The following ARHGAP39 variants were observed in gnomAD, a reference collection of about 807,000 sequenced individuals.
The protein encoded by ARHGAP39 is Rho GTPase activating protein 39.
ARHGAP39 carries 44 observed loss-of-function variants against 106.9 expected under a neutral mutation model. The ratio of observed to expected loss-of-function variants is 0.41; its 90% confidence interval spans 0.32 to 0.53. The LOEUF (loss-of-function observed/expected upper bound fraction) is 0.53. Ranked by LOEUF, ARHGAP39 falls within the 20% of genes least tolerant of loss-of-function variation. The pLI, the probability that ARHGAP39 is intolerant of heterozygous loss-of-function variation, is 0.21. For missense variants in ARHGAP39, 1,496 were observed against 1,577.3 expected, an observed-to-expected ratio of 0.95 and a Z score of 0.87; for synonymous variants, 768 against 693.2, an observed-to-expected ratio of 1.11 and a Z score of -1.69.
At chr8:144,664,865 A>G (rs767702534) in intron 1 of ARHGAP39, among the ~76,000 whole-genome samples, 2 of 152,222 alleles carry the variant, frequency 1.3e-5, no homozygotes, top group Non-Finnish European at 2.9e-5. Flanking sequence ...GGACTAATAC[A>G]GTAAATTGGT....
chr8:144,548,390 G>A lies in ARHGAP39; in HGVS notation c.696C>T (p.Tyr232=), dbSNP rs1350497417. 5 of 1,610,220 alleles carry A rather than the reference G, an allele frequency of 3.1e-6. No homozygotes were observed. The highest frequency in any genetic ancestry group is 1.3e-5 in the African/African-American group (1 of 74,900). ...GGACCCCAGGTGGGCCGTCTGGGGC[G>A]TAGCCATTGCCCTGGGCGGCGAGGA... ...PSFLAAQGNG[Y]APDGPPGVRS... is the part of the protein sequence containing the mutation. Residue 232 remains tyrosine (Y), a synonymous_variant, in exon 5 of 12, where the codon TAC becomes TAT. Transcript: ENST00000377307. This position sits in a 1 kb window ranked among gnomAD's most constrained non-coding sequence, Gnocchi z 7.4.
rs1248058516 is a variant in ARHGAP39 at position 144,601,745 on chromosome 8, G to C, written c.80+3790C>G. 6.9e-4 allele frequency among the ~76,000 whole-genome samples: 98 copies of C among 141,240 alleles called. 1 individual carries two copies. Among genetic ancestry groups the C allele is most frequent in the African/African-American group, 2.3e-3 (87 of 37,714 alleles). 92.7% of individuals were successfully genotyped at this position (141,240 alleles called of 152,430 possible). A position where few individuals can be genotyped will look rare whatever the true frequency, so the allele number is the denominator to read the frequency against. The stretch of plus-strand genomic sequence containing the variant: ...TGTACCTGTGTGTGTGCGTGGAGGC[G>C]TGTGTGCTCGTGAACCTGTGTGTGT... On this transcript the variant is annotated intron_variant, in intron 2 of 11. Transcript: ENST00000377307.
At chr8:144,653,102 A>C (rs1319227683) in intron 1 of ARHGAP39, among the ~76,000 whole-genome samples, 1 of 152,128 alleles carries the variant, frequency 6.6e-6, no homozygotes, top group African/African-American at 2.4e-5. Context: ...GTTTGACGCC[A>C]GCCTGATCAA....
chr8:144,692,329 G>C, the ARHGAP39 span, among the ~76,000 whole-genome samples: 3 of 152,144 alleles, frequency 2.0e-5, no homozygotes, highest in African/African-American at 7.2e-5. Context: ...TGGGATGTGT[G>C]TTACTAGCCT....
At chr8:144,643,166 C>G (rs1821354384) in intron 1 of ARHGAP39, among the ~76,000 whole-genome samples, 1 of 152,150 alleles carries the variant, frequency 6.6e-6, no homozygotes. Context: ...ATGTTCTTAT[C>G]TCCACCGTAT....
the ARHGAP39 span, among the ~76,000 whole-genome samples, chr8:144,696,072 A>G: frequency 6.6e-6 from 1 of 152,166 alleles, no homozygotes; most frequent in Non-Finnish European, 1.5e-5. Context: ...TGGGGATTAC[A>G]GTACTAAGCA....
At chr8:144,537,683 C>G in intron 7 of ARHGAP39, 38 bp downstream of exon 7, 1 of 1,583,434 alleles carries the variant, frequency 6.3e-7, no homozygotes, top group South Asian at 1.1e-5. Flanking sequence ...CAGAGCTGTG[C>G]AGACGCCGCG....
At position 144,548,040 on chromosome 8, in the gene ARHGAP39, G is replaced by A. The variant is rs375011598; in HGVS notation, c.1046C>T (p.Pro349Leu). Reference sequence around the variant, plus strand: ...GAGGAACGGCCGGGGCTTACGGCCCGGCGACCGCTGGGGAGAGCCGGCCTG... The same window carrying A: ...GAGGAACGGCCGGGGCTTACGGCCCAGCGACCGCTGGGGAGAGCCGGCCTG... ...GYQAGSPQRS[P>L]GRKPRPFLQP... is the part of the protein sequence containing the mutation. Residue 349 changes from proline to leucine, a missense_variant, in exon 5 of 12, where the codon CCG becomes CTG. Coordinates refer to ENST00000377307, the MANE Select transcript of ARHGAP39 (RefSeq NM_025251.3). The surrounding 1 kb of genome is among the most constrained non-coding windows in gnomAD (Gnocchi z 7.4). 6 of 1,603,608 alleles carry A rather than the reference G, an allele frequency of 3.7e-6. No individual in the cohort carries two copies. The highest frequency in any genetic ancestry group is 1.7e-5 in the Admixed American group (1 of 59,388).
rs1817577856 is a variant in ARHGAP39 at position 144,548,620 on chromosome 8, G to A, written c.597-131C>T. The stretch of plus-strand genomic sequence containing the variant: ...TACACCTTCCTCGCTGGGGCCCTGT[G>A]GCCTGGCGCCCCTCACACCTGCCTT... On this transcript the variant is annotated intron_variant, in intron 4 of 11. Transcript: ENST00000377307. This position sits in a 1 kb window ranked among gnomAD's most constrained non-coding sequence, Gnocchi z 7.4. 7.8e-7 allele frequency: 1 copy of A among 1,290,222 alleles called. No individual in the cohort carries two copies. The highest frequency in any genetic ancestry group is 1.0e-6 in the Non-Finnish European group (1 of 966,894). The allele number at this position is 1,290,222 out of a possible 1,614,324, so 79.9% of individuals were successfully genotyped here.
At chr8:144,655,394 G>A (rs1283533380) in intron 1 of ARHGAP39, among the ~76,000 whole-genome samples, 1 of 152,140 alleles carries the variant, frequency 6.6e-6, no homozygotes, top group African/African-American at 2.4e-5. Context: ...GAGACCTGCA[G>A]AGACACCAGG....
intron 11 of ARHGAP39, 42 bp downstream of exon 11, chr8:144,530,660 C>CGGGGGGGGGGGGGGGGGGGGG (rs766066175): frequency 1.3e-5 from 3 of 231,792 alleles, no homozygotes; most frequent in Non-Finnish European, 1.2e-5. Flanking sequence ...GGGGGCGGGG[C>CGGGGGGGGGGGGGGGGGGGGG]GGGGAGGGGA....
At chr8:144,562,698 A>ACG (rs1818242724) in intron 3 of ARHGAP39, among the ~76,000 whole-genome samples, 3 of 129,742 alleles carry the variant, frequency 2.3e-5, no homozygotes, top group African/African-American at 9.0e-5. Flanking sequence ...TTTCCATCGG[A>ACG]CTCCAGTGGT....
chr8:144,616,936 G>A (rs570881817), intron 1 of ARHGAP39, among the ~76,000 whole-genome samples: 12 of 152,314 alleles, frequency 7.9e-5, no homozygotes, highest in Admixed American at 7.8e-4. Flanking sequence ...ACAATGCTGG[G>A]AGCAGTGGCT....
At chr8:144,676,935 A>C (rs1040095325) in intron 1 of ARHGAP39, among the ~76,000 whole-genome samples, 2 of 152,192 alleles carry the variant, frequency 1.3e-5, no homozygotes, top group Non-Finnish European at 2.9e-5. Context: ...ACGCCCAGCT[A>C]ATTTTTGTAC....
intron 1 of ARHGAP39, among the ~76,000 whole-genome samples, chr8:144,612,076 T>G (rs1476651202): frequency 6.6e-6 from 1 of 151,378 alleles, no homozygotes; most frequent in Non-Finnish European, 1.5e-5. Context: ...AAAGTTGCAG[T>G]GAGCCACGGC....
chr8:144,546,243 C>T (rs774273291), intron 5 of ARHGAP39, among the ~76,000 whole-genome samples: 4 of 152,182 alleles, frequency 2.6e-5, no homozygotes, highest in Non-Finnish European at 5.9e-5. Context: ...GCTGGGACCC[C>T]AGGCCCTTCC....
chr8:144,545,624 T>C lies in ARHGAP39; in HGVS notation c.2146A>G (p.Ile716Val). 1 of 1,613,730 alleles carries C rather than the reference T, an allele frequency of 6.2e-7. No homozygotes were observed. Among genetic ancestry groups the C allele is most frequent in the Non-Finnish European group, 8.5e-7 (1 of 1,180,014 alleles). Residue 716 changes from isoleucine to valine, a missense_variant, in exon 6 of 12, where the codon ATC becomes GTC. This residue lies in a region of ARHGAP39 where 470 missense variants were observed against 605.1 expected (regional missense o/e 0.78). Coordinates refer to ENST00000377307, the MANE Select transcript of ARHGAP39 (RefSeq NM_025251.3). ...CTGCTCCAGGCCAGCATGTTGGCGA[T>C]GGACACCTTCCGCCGGAAGAGGCCC... ...TQGLFRRKVS[I>V]ANMLAWSSES...
intron 2 of ARHGAP39, among the ~76,000 whole-genome samples, chr8:144,599,417 C>CA (rs1819757198): frequency 6.6e-6 from 1 of 152,098 alleles, no homozygotes; most frequent in Non-Finnish European, 1.5e-5. Context: ...AATCATGATA[C>CA]CATTAGTGTA....
At chr8:144,632,072 A>T (rs1821075605) in intron 1 of ARHGAP39, among the ~76,000 whole-genome samples, 1 of 152,032 alleles carries the variant, frequency 6.6e-6, no homozygotes, top group Non-Finnish European at 1.5e-5. Flanking sequence ...CAGGACCATC[A>T]CTGCCCCTCC....
Sources: gnomAD v4.1 joint callset for allele counts (sites outside exome capture counted in the v4.1 genomes callset) on GRCh38, gnomAD v4.1.1 for gene constraint, gnomAD v4.1.1 regional missense constraint, Gnocchi (gnomAD v3.1) non-coding constraint, MANE v1.5 for transcripts, NCBI Gene and HGNC (gene_info 2026-07-23, HGNC 2026-07-21) for gene names.